The following TUBGCP3 variants were observed in gnomAD, a reference collection of about 807,000 sequenced individuals.
TUBGCP3 encodes the protein gamma-tubulin complex component 3.
TUBGCP3 carries 50 observed loss-of-function variants against 123.1 expected under a neutral mutation model. That is an observed-to-expected ratio of 0.41 (90% confidence interval 0.32 to 0.51). The LOEUF is 0.51. TUBGCP3 is among the 20% of genes least tolerant of loss of function. The pLI is 0.36. For synonymous variants in TUBGCP3, 405 were observed against 413.9 expected (o/e 0.98, Z 0.26); for missense variants, 882 against 1,127.0 (o/e 0.78, Z 3.11).
the TUBGCP3 span, among the ~76,000 whole-genome samples, chr13:112,593,604 C>T: frequency 6.6e-6 from 1 of 151,892 alleles, no homozygotes; most frequent in Non-Finnish European, 1.5e-5. Context: ...AACTAGTAGG[C>T]GGAGATTGCA....
At position 112,548,128 on chromosome 13, in the gene TUBGCP3, G is replaced by C; in HGVS notation, c.1015C>G (p.Leu339Val). The change falls in exon 9 of 22, where the codon CTC becomes GTC. Residue 339 changes from leucine to valine, a missense_variant. Coordinates refer to ENST00000261965, the MANE Select transcript of TUBGCP3 (RefSeq NM_006322.6). ...HQELREYYRL[L>V]SVLHSQLQLE... is the part of the protein sequence containing the mutation. The stretch of plus-strand genomic sequence containing the variant: ...TTTACCTGAGAATGTAAAACAGAGA[G>C]CAATCGATAGTATTCTCTGAGTTCC... 6.2e-7 allele frequency: 1 copy of C among 1,602,230 alleles called. No homozygotes were observed. Among genetic ancestry groups the C allele is most frequent in the Non-Finnish European group, 8.5e-7 (1 of 1,173,216 alleles).
rs181428854 is a variant in TUBGCP3, at chr13:112,522,460, A to G, written c.1605T>C (p.Asp535=). 3.1e-6 allele frequency: 5 copies of G among 1,614,086 alleles called. No individual in the cohort carries two copies. The East Asian group carries it at 1.1e-4, about 36-fold the overall frequency. ...DLENAFQGKI[D]AAYFETSKYL... ...ATTTGCTGGTCTCAAAATAAGCAGCATCAATCTTCCCCTGAAATGCATTTT... is the reference window on the plus strand; with the variant it reads ...ATTTGCTGGTCTCAAAATAAGCAGCGTCAATCTTCCCCTGAAATGCATTTT... Residue 535 remains aspartate (D), a synonymous_variant, in exon 14 of 22, where the codon GAT becomes GAC. Coordinates refer to ENST00000261965, the MANE Select transcript of TUBGCP3 (RefSeq NM_006322.6).
chr13:112,516,342 T>A (rs1876122091), intron 17 of TUBGCP3, 98 bp downstream of exon 17: 2 of 1,289,706 alleles, frequency 1.6e-6, no homozygotes, highest in African/African-American at 1.5e-5. Flanking sequence ...TCACCGTGAG[T>A]CTACCTTAAC....
At chr13:112,584,479 C>G (rs1882477116) in intron 1 of TUBGCP3, among the ~76,000 whole-genome samples, 1 of 152,150 alleles carries the variant, frequency 6.6e-6, no homozygotes, top group African/African-American at 2.4e-5. Flanking sequence ...AAAGGAAGAT[C>G]ACATGGTATT....
chr13:112,504,492 A>C (rs1431644979), intron 18 of TUBGCP3, 134 bp downstream of exon 18: 1 of 624,498 alleles, frequency 1.6e-6, no homozygotes, highest in African/African-American at 1.9e-5. Flanking sequence ...TCTCAAAAAA[A>C]AAAAAAAAGA....
In TUBGCP3 at chr13:112,558,217, G is replaced by T; in HGVS notation, c.527C>A (p.Ala176Glu). 1 of 1,611,012 alleles carries T rather than the reference G, an allele frequency of 6.2e-7. No homozygotes were observed. The highest frequency in any genetic ancestry group is 8.5e-7 in the Non-Finnish European group (1 of 1,179,166). The part of the protein sequence containing the change: ...GLCALSGPAP[A>E]PQSLLPGQSN... ...TTACCCTGGGAGGAGAGATTGTGGCGCAGGCGCGGGGCCACTGAGGGCACA... is the reference window on the plus strand; with the variant it reads ...TTACCCTGGGAGGAGAGATTGTGGCTCAGGCGCGGGGCCACTGAGGGCACA... The change falls in exon 5 of 22, where the codon GCG becomes GAG. Residue 176 changes from alanine to glutamate, a missense_variant. Transcript: ENST00000261965.
intron 1 of TUBGCP3, among the ~76,000 whole-genome samples, chr13:112,584,485 G>C (rs1882477319): frequency 6.6e-6 from 1 of 152,126 alleles, no homozygotes; most frequent in Non-Finnish European, 1.5e-5. Context: ...AGATCACATG[G>C]TATTTGGAAC....
At position 112,556,239 on chromosome 13, in the gene TUBGCP3, A is replaced by T; in HGVS notation, c.549-15T>A. The stretch of plus-strand genomic sequence containing the variant: ...GATTAGACTGTCTAAAAAAAGAAAC[A>T]TGTATTATCTTCTAATAGGCTATTC... On this transcript the variant is annotated splice_polypyrimidine_tract_variant and intron_variant, in intron 5 of 21. Transcript: ENST00000261965. The T allele has an allele frequency of 3.1e-6, 5 of 1,608,702 alleles. No individual in the cohort carries two copies. The highest frequency in any genetic ancestry group is 4.3e-6 in the Non-Finnish European group (5 of 1,175,532).
Position 112,532,183 on chromosome 13 carries a change from G to A in TUBGCP3, c.1336-4699C>T, listed in dbSNP as rs145748798. 2.3e-3 allele frequency among the ~76,000 whole-genome samples: 352 copies of A among 152,272 alleles called. 4 individuals are homozygous for A. Among genetic ancestry groups the A allele is most frequent in the African/African-American group, 6.9e-3 (287 of 41,534 alleles). On this transcript the variant is annotated intron_variant, in intron 11 of 21. Transcript: ENST00000261965. Reference sequence around the variant, plus strand: ...ACCGGACCAGGGGAATGGGTAAATTGGTCAGATTCTCTGTACAACAAAGGA... The same window carrying A: ...ACCGGACCAGGGGAATGGGTAAATTAGTCAGATTCTCTGTACAACAAAGGA...
the TUBGCP3 span, among the ~76,000 whole-genome samples, chr13:112,597,552 A>C: frequency 9.5e-3 from 1,444 of 152,320 alleles, 24 homozygotes; most frequent in African/African-American, 0.033. Flanking sequence ...CAGACAATGC[A>C]CTATGAATAA....
In TUBGCP3 at chr13:112,554,086, G is replaced by C. The variant is rs1310689073; in HGVS notation, c.937C>G (p.Leu313Val). ...KIRRYTDQRS[L>V]DRSFGLVGQS... ...CCGACGAGTCCGAATGAGCGGTCCAGGCTCCTCTGGTCCGTGTATCTTCTG... is the reference window on the plus strand; with the variant it reads ...CCGACGAGTCCGAATGAGCGGTCCACGCTCCTCTGGTCCGTGTATCTTCTG... Residue 313 changes from leucine (L) to valine (V), a missense_variant, in exon 8 of 22, where the codon CTG becomes GTG. This residue lies in a region of TUBGCP3 where 713 missense variants were observed against 874.0 expected (regional missense o/e 0.82). Coordinates refer to ENST00000261965, the MANE Select transcript of TUBGCP3 (RefSeq NM_006322.6). The C allele has an allele frequency of 6.2e-7, 1 of 1,613,976 alleles. No homozygotes were observed. Among genetic ancestry groups the C allele is most frequent in the African/African-American group, 1.3e-5 (1 of 74,912 alleles).
chr13:112,507,068 G>T (rs760172940), intron 17 of TUBGCP3, among the ~76,000 whole-genome samples: 14 of 152,186 alleles, frequency 9.2e-5, no homozygotes, highest in Non-Finnish European at 1.6e-4. Flanking sequence ...GATGTGATTT[G>T]ATTTCTTTCC....
rs1466236884 is a variant in TUBGCP3, at chr13:112,508,988, G to A, written c.2087-4274C>T. 1.3e-5 allele frequency among the ~76,000 whole-genome samples: 2 copies of A among 152,244 alleles called. No homozygotes were observed. Among genetic ancestry groups the A allele is most frequent in the East Asian group, 1.9e-4 (1 of 5,176 alleles). On this transcript the variant is annotated intron_variant, in intron 17 of 21. Coordinates refer to ENST00000261965, the MANE Select transcript of TUBGCP3 (RefSeq NM_006322.6). The surrounding 1 kb of genome is among the most constrained non-coding windows in gnomAD (Gnocchi z 4.2). ...GGCTGCCCTGCTAATCACCACGGTC[G>A]CGCCCCAGGTTCATTATTCTCAACT...
chr13:112,542,806 A>G (rs1018561596), intron 11 of TUBGCP3, among the ~76,000 whole-genome samples: 3 of 152,182 alleles, frequency 2.0e-5, no homozygotes, highest in Non-Finnish European at 2.9e-5. Flanking sequence ...TTGCATATAA[A>G]AAATTAAAAA....
intron 20 of TUBGCP3, 117 bp from the exon 21 acceptor site, chr13:112,489,814 A>G: frequency 1.4e-6 from 1 of 709,272 alleles, no homozygotes; most frequent in Non-Finnish European, 2.4e-6. Flanking sequence ...GCCTCTCTGT[A>G]CTGTTCAACA....
At chr13:112,560,932 G>A (rs954214769) in intron 3 of TUBGCP3, among the ~76,000 whole-genome samples, 22 of 152,128 alleles carry the variant, frequency 1.4e-4, no homozygotes, top group Admixed American at 9.2e-4. Flanking sequence ...GAGGAGACTC[G>A]AGTCTCCTAG....
intron 8 of TUBGCP3, among the ~76,000 whole-genome samples, chr13:112,550,843 A>T (rs528636859): frequency 2.0e-5 from 3 of 152,372 alleles, no homozygotes; most frequent in Admixed American, 6.5e-5. Context: ...TCACGCCTGT[A>T]ATCTCATCAC....
At chr13:112,570,188 AG>A (rs1308638090) in intron 1 of TUBGCP3, among the ~76,000 whole-genome samples, 1 of 151,788 alleles carries the variant, frequency 6.6e-6, no homozygotes, top group Non-Finnish European at 1.5e-5. Context: ...CACTAAGTAA[AG>A]TTAACAGACA....
chr13:112,558,319 C>T lies in TUBGCP3; in HGVS notation c.425G>A (p.Ser142Asn). Residue 142 changes from serine to asparagine, a missense_variant, in exon 5 of 22, where the codon AGC (serine) becomes AAC (asparagine). Around this residue, in one of 3 missense-constraint regions of TUBGCP3, gnomAD observed 713 missense variants for 874.0 expected, o/e 0.82. Coordinates refer to ENST00000261965, the MANE Select transcript of TUBGCP3 (RefSeq NM_006322.6). ...YYARPQTLPL[S>N]YQDRSAQSAQ... ...TGACTGGGCACTCCGATCTTGGTAGCTCAGGGGAAGGGTCTGAGGCCTGGC... is the reference window on the plus strand; with the variant it reads ...TGACTGGGCACTCCGATCTTGGTAGTTCAGGGGAAGGGTCTGAGGCCTGGC... The T allele has an allele frequency of 6.2e-7, 1 of 1,613,982 alleles. No individual in the cohort carries two copies. The highest frequency in any genetic ancestry group is 8.5e-7 in the Non-Finnish European group (1 of 1,180,004).
Sources: allele counts gnomAD v4.1 joint callset (sites outside exome capture counted in the v4.1 genomes callset), GRCh38; gene constraint gnomAD v4.1.1; regional missense constraint gnomAD v4.1.1; non-coding constraint Gnocchi (gnomAD v3.1); transcripts MANE v1.5; gene names NCBI Gene and HGNC (gene_info 2026-07-23, HGNC 2026-07-21).